Variants in MYH11 observed in about 807,000 individuals in gnomAD.
The protein encoded by MYH11 is myosin-11.
MYH11 carries 80 observed loss-of-function variants against 246.6 expected under a neutral mutation model. That is an observed-to-expected ratio of 0.32 (90% CI 0.27 to 0.39). MYH11 has a LOEUF of 0.39. Ranked by LOEUF, MYH11 falls within the 10% of genes least tolerant of loss-of-function variation. The pLI, the probability that MYH11 is intolerant of heterozygous loss-of-function variation, is 1.00. For missense variants in MYH11, 2,158 were observed against 2,546.8 expected, an observed-to-expected ratio of 0.85 and a Z score of 3.29; for synonymous variants, 1,071 against 1,015.5, an observed-to-expected ratio of 1.05 and a Z score of -1.04.
intron 3 of MYH11, among the ~76,000 whole-genome samples, chr16:15,803,298 A>G (rs2042931659): frequency 6.6e-6 from 1 of 150,824 alleles, no homozygotes; most frequent in African/African-American, 2.4e-5. Context: ...TTTTTCTGAA[A>G]TGGAGTCTCG....
rs564691257 is a variant in MYH11 at position 15,712,315 on chromosome 16, G to T, written c.5786+2594C>A. Among the ~76,000 whole-genome samples the T allele has an allele frequency of 2.0e-5, 3 of 152,196 alleles. No homozygotes were observed. The East Asian group carries it at 5.8e-4, about 29-fold the overall frequency. On this transcript the variant is annotated intron_variant, in intron 40 of 40. Transcript: ENST00000300036. Reference sequence around the variant, plus strand: ...TTAGATATACATGGAATTCTAAAGCGCCAAGATTAGTTGAGACCTCTCACC... The same window carrying T: ...TTAGATATACATGGAATTCTAAAGCTCCAAGATTAGTTGAGACCTCTCACC...
chr16:15,827,532 T>TG (rs1196304073), intron 2 of MYH11, among the ~76,000 whole-genome samples: 1 of 151,532 alleles, frequency 6.6e-6, no homozygotes, highest in Non-Finnish European at 1.5e-5. Flanking sequence ...GGGCTGGGAG[T>TG]GGGGGGCTGC....
rs760229510 is a variant in MYH11, at chr16:15,703,865, G to A, written c.*126C>T. 9 of 1,299,336 alleles carry A rather than the reference G, an allele frequency of 6.9e-6. No individual in the cohort carries two copies. Among genetic ancestry groups the A allele is most frequent in the Non-Finnish European group, 4.4e-6 (4 of 902,598 alleles). The allele number at this position is 1,299,336 out of a possible 1,614,324, so 80.5% of individuals were successfully genotyped here. A position where few individuals can be genotyped will look rare whatever the true frequency, so the allele number is the denominator to read the frequency against. On this transcript the variant is annotated 3_prime_UTR_variant, in exon 41 of 41. Transcript: ENST00000300036. ...TCTGTGATATTTGGAATTTGAGAATGGATTTAGACAATGCTAAGTACAGTC... is the reference window on the plus strand; with the variant it reads ...TCTGTGATATTTGGAATTTGAGAATAGATTTAGACAATGCTAAGTACAGTC...
rs777642930 is a variant in MYH11 at position 15,741,781 on chromosome 16, C to T, written c.2631G>A (p.Glu877=). Residue 877 remains glutamate, a synonymous_variant, in exon 21 of 41, where the codon GAG becomes GAA. Transcript: ENST00000300036. ...RQQKAENELK[E]LEQKHSQLTE... ...GTACCTGCGAGTGCTTCTGTTCCAG[C>T]TCCTTAAGCTCATTCTCTGCCTTCT... 3 of 1,614,236 alleles carry T rather than the reference C, an allele frequency of 1.9e-6. No homozygotes were observed. The highest frequency in any genetic ancestry group is 1.1e-5 in the South Asian group (1 of 91,090).
At chr16:15,817,772 G>C (rs62030632) in intron 3 of MYH11, among the ~76,000 whole-genome samples, 20,920 of 151,822 alleles carry the variant, frequency 0.14, 1,499 homozygotes, top group East Asian at 0.15. Context: ...ACCAGCTCCT[G>C]CCACACTCAT....
chr16:15,806,251 C>T (rs939541692), intron 3 of MYH11, among the ~76,000 whole-genome samples: 12 of 128,760 alleles, frequency 9.3e-5, no homozygotes, highest in East Asian at 2.5e-4. Context: ...CACTCCAGCC[C>T]GGGCGAGTGC....
At chr16:15,705,538 G>A (rs2039402395) in intron 40 of MYH11, among the ~76,000 whole-genome samples, 1 of 152,162 alleles carries the variant, frequency 6.6e-6, no homozygotes, top group South Asian at 2.1e-4. Flanking sequence ...ATTATGTTGG[G>A]CTCTGGCCAT....
chr16:15,847,199 G>T (rs2044212717), intron 1 of MYH11, among the ~76,000 whole-genome samples: 1 of 151,538 alleles, frequency 6.6e-6, no homozygotes, highest in Admixed American at 6.6e-5. Context: ...AGAGGGCTAG[G>T]AGAGTGTTTC....
At chr16:15,804,237 G>A (rs2042956428) in intron 3 of MYH11, among the ~76,000 whole-genome samples, 1 of 152,078 alleles carries the variant, frequency 6.6e-6, no homozygotes, top group South Asian at 2.1e-4. Flanking sequence ...CCATTTTAAA[G>A]TGAATAATTC....
At chr16:15,741,434 C>T (rs745795080) in intron 22 of MYH11, 29 bp downstream of exon 22, 2 of 1,603,348 alleles carry the variant, frequency 1.2e-6, no homozygotes, top group Non-Finnish European at 1.7e-6. Context: ...ATTTGCTACC[C>T]ACCACGGGCT....
chr16:15,777,104 TACAC>T (rs111888764), intron 7 of MYH11, among the ~76,000 whole-genome samples: 36 of 147,974 alleles, frequency 2.4e-4, no homozygotes, highest in Admixed American at 7.4e-4. Flanking sequence ...CACGCACACA[TACAC>T]ACACACACAC....
chr16:15,744,491 C>CAGCATTCTTGAACCATCAAAATTACAGAA, intron 20 of MYH11, among the ~76,000 whole-genome samples: 1 of 150,412 alleles, frequency 6.6e-6, no homozygotes, highest in East Asian at 2.0e-4. Context: ...CCGTGCCTGG[C>CAGCATTCTTGAACCATCAAAATTACAGAA]CTTTTTTTTA....
intron 1 of MYH11, among the ~76,000 whole-genome samples, chr16:15,840,638 G>A (rs563403467): frequency 4.6e-5 from 7 of 152,136 alleles, no homozygotes; most frequent in South Asian, 2.1e-4. Flanking sequence ...AGGCTAAGAC[G>A]GGAAGATGGC....
chr16:15,849,742 G>A (rs956995497), intron 1 of MYH11, among the ~76,000 whole-genome samples: 4 of 152,026 alleles, frequency 2.6e-5, no homozygotes, highest in African/African-American at 7.2e-5. Context: ...ATGAGCCACC[G>A]CGCCCAGGCT....
At chr16:15,753,764 C>T (rs2041636644) in intron 14 of MYH11, among the ~76,000 whole-genome samples, 1 of 152,186 alleles carries the variant, frequency 6.6e-6, no homozygotes, top group South Asian at 2.1e-4. Context: ...TATTCTCCTA[C>T]TAACGCTGCT....
At chr16:15,817,531 T>C (rs1395894339) in intron 3 of MYH11, among the ~76,000 whole-genome samples, 1 of 151,900 alleles carries the variant, frequency 6.6e-6, no homozygotes, top group African/African-American at 2.4e-5. Flanking sequence ...GGGGGGAGAA[T>C]TTAAAAAATA....
Position 15,703,604 on chromosome 16 carries a change from G to T in MYH11, c.*387C>A, listed in dbSNP as rs1471023005. On this transcript the variant is annotated 3_prime_UTR_variant, in exon 41 of 41. Coordinates refer to ENST00000300036, the MANE Select transcript of MYH11 (RefSeq NM_002474.3). ...GGGTAGTAGGGGTGGTGGTGGTGGT[G>T]GTGGTTGAGACAGGGTCTCTGTTGC... 1 of 384,718 alleles carries T rather than the reference G, an allele frequency of 2.6e-6. No homozygotes were observed. The highest frequency in any genetic ancestry group is 2.0e-5 in the African/African-American group (1 of 49,990). The allele number at this position is 384,718 out of a possible 1,614,324, so 23.8% of individuals were successfully genotyped here.
chr16:15,850,159 C>A (rs892932428), intron 1 of MYH11, among the ~76,000 whole-genome samples: 3 of 152,144 alleles, frequency 2.0e-5, no homozygotes, highest in African/African-American at 7.2e-5. Flanking sequence ...CCGAGGCAGG[C>A]GGATAACCTG....
intron 10 of MYH11, among the ~76,000 whole-genome samples, chr16:15,763,249 G>A (rs1325400518): frequency 6.6e-6 from 1 of 152,134 alleles, no homozygotes; most frequent in Non-Finnish European, 1.5e-5. Context: ...TCCCCAAGAC[G>A]ACCACAGATA....
Sources: gnomAD v4.1 joint callset for allele counts (sites outside exome capture counted in the v4.1 genomes callset) on GRCh38, gnomAD v4.1.1 for gene constraint, MANE v1.5 for transcripts, NCBI Gene and HGNC (gene_info 2026-07-23, HGNC 2026-07-21) for gene names.